Variants in SMYD2 observed in about 807,000 individuals in gnomAD.
The protein encoded by SMYD2 is SET and MYND domain containing 2.
SMYD2 carries 53 observed loss-of-function variants against 59.1 expected under a neutral mutation model. The ratio of observed to expected loss-of-function variants is 0.90; its 90% CI spans 0.72 to 1.13. SMYD2 has a LOEUF of 1.13. Ranked by LOEUF, SMYD2 falls within the 50% of genes most tolerant of loss-of-function variation. SMYD2 has a pLI of 0.00. For synonymous variants in SMYD2, 208 were observed against 198.8 expected, an observed-to-expected ratio of 1.05 and a Z score of -0.39; for missense variants, 494 against 544.7, an observed-to-expected ratio of 0.91 and a Z score of 0.93.
intron 1 of SMYD2, among the ~76,000 whole-genome samples, chr1:214,285,816 A>G (rs887465541): frequency 1.3e-5 from 2 of 152,208 alleles, no homozygotes; most frequent in Non-Finnish European, 2.9e-5. Flanking sequence ...GAGAGAGTCT[A>G]CTACTCACCT....
rs753311770 is a variant in SMYD2 at position 214,305,203 on chromosome 1, A to G, written c.190A>G (p.Lys64Glu). The change falls in exon 2 of 12, where the codon AAA (lysine) becomes GAA (glutamate). Residue 64 changes from lysine to glutamate, a missense_variant. Physicochemically the swap from Lys to Glu is moderately conservative, Grantham distance 56. Transcript: ENST00000366957. ...YCFTRKEGLS[K>E]CGRCKQAFYC... ...GTTTTTAAGGAAAGAAGGATTGTCC[A>G]AATGTGGAAGATGCAAGCAGGCATT... is the stretch of plus-strand genomic sequence containing the variant. 2 of 1,614,102 alleles carry G rather than the reference A, an allele frequency of 1.2e-6. No individual in the cohort carries two copies. The highest frequency in any genetic ancestry group is 1.3e-5 in the African/African-American group (1 of 74,936).
Position 214,318,854 on chromosome 1 carries a change from C to G in SMYD2, c.410-5C>G. 6.2e-7 allele frequency: 1 copy of G among 1,613,394 alleles called. No homozygotes were observed. The highest frequency in any genetic ancestry group is 1.1e-5 in the South Asian group (1 of 91,012). On this transcript the variant is annotated splice_region_variant and splice_polypyrimidine_tract_variant and intron_variant, in intron 4 of 11. Transcript: ENST00000366957. The surrounding 1 kb of genome is among the most constrained non-coding windows in gnomAD (Gnocchi z 5.4). The stretch of plus-strand genomic sequence containing the variant: ...CTGGGTGAATAATGGATTATTTATC[C>G]ACAGATCTGGATAAGTTAGACAATG...
At chr1:214,299,093 G>A (rs1233203667) in intron 1 of SMYD2, among the ~76,000 whole-genome samples, 1 of 152,140 alleles carries the variant, frequency 6.6e-6, no homozygotes. Flanking sequence ...TGAGGCTGCA[G>A]CCATAATTAC....
rs776776484 is a variant in SMYD2, at chr1:214,330,145, C to T, written c.706-23C>T. 6.6e-5 allele frequency: 99 copies of T among 1,506,918 alleles called. No individual in the cohort carries two copies. The East Asian group carries it at 2.2e-3, about 34-fold the overall frequency. 93.3% of individuals were successfully genotyped at this position (1,506,918 alleles called of 1,614,324 possible). A position where few individuals can be genotyped will look rare whatever the true frequency, so the allele number is the denominator to read the frequency against. On this transcript the variant is annotated intron_variant, in intron 7 of 11. Transcript: ENST00000366957. ...TGAGTTTACCTGTAGCAGACTGAAG[C>T]TTTATCTTTTTGGACCCCGTAGGTT...
At chr1:214,331,674 A>G (rs1184914379) in intron 9 of SMYD2, 1 of 222,098 alleles carries the variant, frequency 4.5e-6, no homozygotes, top group African/African-American at 2.3e-5. Context: ...TTCTCAGCAT[A>G]AGAAAGAACT....
chr1:214,292,242 G>C (rs954127578), intron 1 of SMYD2, among the ~76,000 whole-genome samples: 2 of 152,148 alleles, frequency 1.3e-5, no homozygotes, highest in African/African-American at 4.8e-5. Flanking sequence ...CCATATCTGA[G>C]TCTAGCTTGC....
chr1:214,328,757 C>T (rs1011789421), intron 7 of SMYD2, among the ~76,000 whole-genome samples: 10 of 152,334 alleles, frequency 6.6e-5, no homozygotes, highest in African/African-American at 2.4e-4. Context: ...AAGATGCAGG[C>T]AGGTTGGCCC....
chr1:214,322,745 AT>A (rs1657193191), intron 5 of SMYD2, among the ~76,000 whole-genome samples: 1 of 152,204 alleles, frequency 6.6e-6, no homozygotes, highest in Non-Finnish European at 1.5e-5. Flanking sequence ...TCTGCCACTT[AT>A]CATTTACATA....
chr1:214,324,967 T>C (rs1657238819), intron 6 of SMYD2, among the ~76,000 whole-genome samples: 1 of 152,222 alleles, frequency 6.6e-6, no homozygotes, highest in South Asian at 2.1e-4. Context: ...ATAGCGCGCA[T>C]AGAAGGAACA....
At chr1:214,314,726 G>A in intron 2 of SMYD2, 36 bp from the exon 3 acceptor site, 1 of 1,506,492 alleles carries the variant, frequency 6.6e-7, no homozygotes, top group Non-Finnish European at 9.2e-7. Context: ...CAGTGTATGT[G>A]CTATTTTTTA....
chr1:214,288,176 G>T (rs962552002), intron 1 of SMYD2, among the ~76,000 whole-genome samples: 1 of 152,108 alleles, frequency 6.6e-6, no homozygotes, highest in African/African-American at 2.4e-5. Flanking sequence ...AAAAAAATTC[G>T]AAGAACCTGT....
intron 3 of SMYD2, among the ~76,000 whole-genome samples, chr1:214,315,797 G>A (rs76052004): frequency 0.029 from 4,484 of 152,274 alleles, 156 homozygotes; most frequent in African/African-American, 0.086. Context: ...AGCAAGATTT[G>A]TGCTCAAGAT....
intron 1 of SMYD2, among the ~76,000 whole-genome samples, chr1:214,288,099 TG>T (rs1460708216): frequency 2.6e-5 from 4 of 152,224 alleles, no homozygotes; most frequent in Non-Finnish European, 5.9e-5. Context: ...ATTCAAACCC[TG>T]GTGAGTTAAA....
intron 5 of SMYD2, among the ~76,000 whole-genome samples, chr1:214,324,358 G>A (rs1657227562): frequency 6.6e-6 from 1 of 152,138 alleles, no homozygotes; most frequent in South Asian, 2.1e-4. Context: ...GTGTGCAAAC[G>A]TCAGTCCTCA....
Position 214,301,952 on chromosome 1 carries a change from A to G in SMYD2, c.174-3235A>G, listed in dbSNP as rs574887028. On this transcript the variant is annotated intron_variant, in intron 1 of 11. Transcript: ENST00000366957. The stretch of plus-strand genomic sequence containing the variant: ...ATGCCAAAGACATATATACTTAAGA[A>G]TCGAGATTTAGTAAAGTTAATATTC... Among the ~76,000 whole-genome samples, 208 of 152,306 alleles carry G rather than the reference A, an allele frequency of 1.4e-3. 1 individual carries two copies. The highest frequency in any genetic ancestry group is 0.011 in the South Asian group (53 of 4,824).
At chr1:214,301,725 C>G (rs1656826963) in intron 1 of SMYD2, among the ~76,000 whole-genome samples, 1 of 143,552 alleles carries the variant, frequency 7.0e-6, no homozygotes, top group Non-Finnish European at 1.5e-5. Context: ...GCCAAATGCT[C>G]AAGTCTGAAT....
intron 1 of SMYD2, among the ~76,000 whole-genome samples, chr1:214,294,669 T>TCAAA (rs956195128): frequency 6.6e-6 from 1 of 152,192 alleles, no homozygotes; most frequent in Non-Finnish European, 1.5e-5. Context: ...AGACCCTCTC[T>TCAAA]CAAACAAACA....
At chr1:214,286,429 C>T (rs968862864) in intron 1 of SMYD2, among the ~76,000 whole-genome samples, 1 of 151,972 alleles carries the variant, frequency 6.6e-6, no homozygotes, top group African/African-American at 2.4e-5. Flanking sequence ...AGCCATATCA[C>T]TTACTCCAGC....
At chr1:214,314,656 A>G in intron 2 of SMYD2, 106 bp from the exon 3 acceptor site, 2 of 752,704 alleles carry the variant, frequency 2.7e-6, no homozygotes, top group Non-Finnish European at 4.4e-6. Context: ...AAAAGGAAAC[A>G]TATTTTACTT....
Sources: allele counts gnomAD v4.1 joint callset (sites outside exome capture counted in the v4.1 genomes callset), GRCh38; gene constraint gnomAD v4.1.1; non-coding constraint Gnocchi (gnomAD v3.1); transcripts MANE v1.5; gene names NCBI Gene and HGNC (gene_info 2026-07-23, HGNC 2026-07-21).